Variants in NDUFB2 observed in about 807,000 individuals in gnomAD.
NDUFB2 encodes the protein NADH:ubiquinone oxidoreductase subunit B2, also known as NADH dehydrogenase [ubiquinone] 1 beta subcomplex subunit 2, mitochondrial.
In NDUFB2, 13 loss-of-function variants were observed where a neutral mutation model predicts 13.4. The ratio of observed to expected loss-of-function variants is 0.97; its 90% CI spans 0.63 to 1.54. NDUFB2 has a LOEUF of 1.54. Ranked by LOEUF, NDUFB2 falls within the 40% of genes most tolerant of loss-of-function variation. NDUFB2 has a pLI of 0.00. For synonymous variants in NDUFB2, 47 were observed against 50.6 expected (o/e 0.93, Z 0.30); for missense variants, 150 against 139.7 (o/e 1.07, Z -0.37).
chr7:140,699,139 C>CA, intron 1 of NDUFB2, among the ~76,000 whole-genome samples: 1 of 152,148 alleles, frequency 6.6e-6, no homozygotes, highest in Admixed American at 6.5e-5. Context: ...GCCTGGGTGA[C>CA]AGAGTGAGAC....
intron 3 of NDUFB2, chr7:140,705,984 T>A (rs1794962188): frequency 6.6e-6 from 1 of 152,096 alleles, no homozygotes; most frequent in Non-Finnish European, 1.5e-5. Flanking sequence ...TGTTTTTATT[T>A]AACATGCTTT....
chr7:140,696,735 G>C lies in NDUFB2; in HGVS notation c.-10G>C, dbSNP rs775799734. The C allele has an allele frequency of 1.3e-5, 20 of 1,580,410 alleles. No homozygotes were observed. The East Asian group carries it at 3.3e-4, about 26-fold the overall frequency. On this transcript the variant is annotated 5_prime_UTR_variant, in exon 1 of 4. Coordinates refer to ENST00000247866, the MANE Select transcript of NDUFB2 (RefSeq NM_004546.3). ...GGCGGCTGGGGACCGCGGGGCGGAC[G>C]GGAGCGAGTATGTCCGCTCTGACTC...
chr7:140,704,692 C>T (rs1429756142), intron 2 of NDUFB2, among the ~76,000 whole-genome samples, 168 bp from the exon 3 acceptor site: 1 of 151,936 alleles, frequency 6.6e-6, no homozygotes, highest in East Asian at 1.9e-4. Flanking sequence ...AATGAACAAA[C>T]TAAAGAACAG....
At chr7:140,700,348 C>T (rs1345907928) in intron 1 of NDUFB2, 1 of 150,912 alleles carries the variant, frequency 6.6e-6, no homozygotes. Context: ...GTCTCGAACT[C>T]CCGACCTCAG....
In NDUFB2 at chr7:140,703,014, A is replaced by G. The variant is rs1794917735; in HGVS notation, c.243+4A>G. The G allele has an allele frequency of 6.2e-7, 1 of 1,613,102 alleles. No homozygotes were observed. The highest frequency in any genetic ancestry group is 8.5e-7 in the Non-Finnish European group (1 of 1,179,342). On this transcript the variant is annotated splice_donor_region_variant and intron_variant, in intron 2 of 3. Coordinates refer to ENST00000247866, the MANE Select transcript of NDUFB2 (RefSeq NM_004546.3). ...GCATGACTCAGAAGAGGTGCTGGTA[A>G]GTGCAGGAGAAGAGCACTTGTCGTT...
At chr7:140,706,048 G>GTTATGTTATGTT (rs1477634960) in intron 3 of NDUFB2, 1 of 124,584 alleles carries the variant, frequency 8.0e-6, no homozygotes, top group African/African-American at 3.2e-5. Flanking sequence ...GTTATGTTAT[G>GTTATGTTATGTT]TTATGTTATG....
intron 3 of NDUFB2, 123 bp from the exon 4 acceptor site, chr7:140,706,440 T>G (rs1794975108): frequency 6.6e-6 from 1 of 152,110 alleles, no homozygotes; most frequent in Admixed American, 6.6e-5. Flanking sequence ...TTGCTTCTCT[T>G]GTCTACAAGG....
chr7:140,697,385 C>A (rs961423717), intron 1 of NDUFB2: 2 of 702,704 alleles, frequency 2.8e-6, no homozygotes, highest in African/African-American at 3.5e-5. Context: ...AGAGAGAGCG[C>A]CGTCGGGTGA....
At chr7:140,699,922 T>A (rs767447226) in intron 1 of NDUFB2, among the ~76,000 whole-genome samples, 1 of 150,766 alleles carries the variant, frequency 6.6e-6, no homozygotes, top group Non-Finnish European at 1.5e-5. Context: ...GTGTTGAGTC[T>A]TTGCATTCCT....
intron 1 of NDUFB2, 71 bp downstream of exon 1, chr7:140,696,913 AC>A: frequency 7.1e-7 from 1 of 1,416,508 alleles, no homozygotes; most frequent in Non-Finnish European, 9.7e-7. Flanking sequence ...GGACGCTCTC[AC>A]CTTGACTGGG....
chr7:140,705,891 G>T (rs1002110162), intron 3 of NDUFB2, among the ~76,000 whole-genome samples: 2 of 152,060 alleles, frequency 1.3e-5, no homozygotes, highest in Non-Finnish European at 2.9e-5. Context: ...CATTTTCCAG[G>T]TCAGGAAGTC....
intron 1 of NDUFB2, chr7:140,697,500 AG>A: frequency 1.5e-6 from 1 of 685,608 alleles, no homozygotes; most frequent in Non-Finnish European, 2.7e-6. Flanking sequence ...CGGAGGGCGG[AG>A]GGCTGGGGGT....
chr7:140,699,635 GTC>G (rs1794869342), intron 1 of NDUFB2, among the ~76,000 whole-genome samples: 1 of 151,834 alleles, frequency 6.6e-6, no homozygotes, highest in Admixed American at 6.6e-5. Flanking sequence ...CCCAGGCTGC[GTC>G]TCTTTCCCCA....
At chr7:140,696,989 C>T in intron 1 of NDUFB2, 147 bp downstream of exon 1, 1 of 721,934 alleles carries the variant, frequency 1.4e-6, no homozygotes, top group Non-Finnish European at 2.3e-6. Flanking sequence ...CCTGAAGCCG[C>T]GACTCGAGGA....
At chr7:140,697,055 C>T (rs926495403) in intron 1 of NDUFB2, 61 of 599,922 alleles carry the variant, frequency 1.0e-4, no homozygotes, top group Non-Finnish European at 8.9e-6. Flanking sequence ...AGATGGGACA[C>T]CGTGTGCAGG....
At chr7:140,703,426 C>T (rs774375877) in intron 2 of NDUFB2, among the ~76,000 whole-genome samples, 1 of 151,840 alleles carries the variant, frequency 6.6e-6, no homozygotes, top group Non-Finnish European at 1.5e-5. Context: ...AGGTGTGCAC[C>T]CCCACGCCGG....
In NDUFB2 at chr7:140,702,755, TG is replaced by T. The variant is rs534686951; in HGVS notation, c.99-109del. ...TTGTGAACTTCTGTCTATATTTCAGTGGAGATGAGAAACATTAGCGTTGGTT... is the reference window on the plus strand; with the variant it reads ...TTGTGAACTTCTGTCTATATTTCAGTGAGATGAGAAACATTAGCGTTGGTT... On this transcript the variant is annotated intron_variant, in intron 1 of 3. Coordinates refer to ENST00000247866, the MANE Select transcript of NDUFB2 (RefSeq NM_004546.3). 3.2e-3 allele frequency: 3,913 copies of T among 1,216,818 alleles called. 15 individuals carry two copies. Among genetic ancestry groups the T allele is most frequent in the Non-Finnish European group, 3.3e-3 (2,876 of 864,192 alleles). 75.4% of individuals were successfully genotyped at this position (1,216,818 alleles called of 1,614,324 possible).
chr7:140,702,904 A>G lies in NDUFB2; in HGVS notation c.137A>G (p.Gln46Arg). 1 of 1,614,152 alleles carries G rather than the reference A, an allele frequency of 6.2e-7. No individual in the cohort carries two copies. The highest frequency in any genetic ancestry group is 1.1e-5 in the South Asian group (1 of 91,076). ...GTGCACATTGAGCCCCGGTATAGAC[A>G]GTTCCCCCAGCTGACCAGATCCCAG... ...GGVHIEPRYR[Q>R]FPQLTRSQVF... is the part of the protein sequence containing the mutation. The change falls in exon 2 of 4, where the codon CAG becomes CGG. Residue 46 changes from glutamine (Q) to arginine (R), a missense_variant. By Grantham distance (43) the Gln-to-Arg change is conservative (BLOSUM62 1). Transcript: ENST00000247866.
chr7:140,697,210 G>A (rs952616063), intron 1 of NDUFB2: 2 of 650,056 alleles, frequency 3.1e-6, no homozygotes, highest in Middle Eastern at 2.6e-4. Flanking sequence ...AGCGAGGCGG[G>A]GGGCGGCGGC....
Sources: allele counts gnomAD v4.1 joint callset (sites outside exome capture counted in the v4.1 genomes callset), GRCh38; gene constraint gnomAD v4.1.1; transcripts MANE v1.5; gene names NCBI Gene and HGNC (gene_info 2026-07-23, HGNC 2026-07-21).